Variants in LARGE1 observed in about 807,000 individuals in gnomAD.
The protein encoded by LARGE1 is xylosyl- and glucuronyltransferase LARGE1.
In LARGE1, 43 loss-of-function variants were observed where a neutral mutation model predicts 87.6. That is an observed-to-expected ratio of 0.49 (90% confidence interval 0.38 to 0.63). The LOEUF is 0.63. Among genes scored for constraint, LARGE1 ranks in the 30% least tolerant of loss-of-function variants. LARGE1 has a pLI of 0.00. For missense variants in LARGE1, 802 were observed against 1,000.2 expected (o/e 0.80, Z 2.67); for synonymous variants, 434 against 394.6 (o/e 1.10, Z -1.18).
intron 11 of LARGE1, among the ~76,000 whole-genome samples, chr22:33,222,607 CAGG>C (rs1925512418): frequency 1.3e-5 from 2 of 152,104 alleles, no homozygotes; most frequent in South Asian, 4.1e-4. Context: ...GACTCACACA[CAGG>C]AGGAGAAGAC....
intron 5 of LARGE1, among the ~76,000 whole-genome samples, chr22:33,583,187 C>A (rs1482044700): frequency 1.3e-5 from 2 of 152,140 alleles, no homozygotes; most frequent in African/African-American, 4.8e-5. Context: ...TGATCCATCT[C>A]CCCCACATCC....
rs571422338 is a variant in LARGE1 at position 33,700,416 on chromosome 22, C to T, written c.107-49748G>A. Among the ~76,000 whole-genome samples the T allele has an allele frequency of 5.3e-5, 8 of 152,154 alleles. 1 individual carries two copies. In the South Asian group the frequency reaches 8.3e-4, roughly 16 times the overall value. On this transcript the variant is annotated intron_variant, in intron 2 of 14. Coordinates refer to ENST00000397394, the MANE Select transcript of LARGE1 (RefSeq NM_133642.5). ...AATTAATTGTGTACCAGGCACTATGCGGAAGGCTGAATGCTGCCTCACAAT... is the reference window on the plus strand; with the variant it reads ...AATTAATTGTGTACCAGGCACTATGTGGAAGGCTGAATGCTGCCTCACAAT...
intron 1 of LARGE1, among the ~76,000 whole-genome samples, chr22:33,884,288 G>A (rs182412975): frequency 3.9e-5 from 6 of 152,282 alleles, no homozygotes; most frequent in East Asian, 1.9e-4. Context: ...ACTTTAAAGC[G>A]ATCATGCGCT....
chr22:33,108,878 C>T, the LARGE1 span, among the ~76,000 whole-genome samples: 1 of 152,042 alleles, frequency 6.6e-6, no homozygotes, highest in African/African-American at 2.4e-5. Flanking sequence ...AATGCATGCT[C>T]TGAAGCTAGA....
At chr22:33,332,774 T>C (rs889586037) in intron 10 of LARGE1, among the ~76,000 whole-genome samples, 1 of 152,104 alleles carries the variant, frequency 6.6e-6, no homozygotes, top group Non-Finnish European at 1.5e-5. Flanking sequence ...AGGAGTGCAA[T>C]GTTTACAGAC....
intron 6 of LARGE1, among the ~76,000 whole-genome samples, chr22:33,543,269 G>A (rs973667549): frequency 2.6e-5 from 4 of 151,874 alleles, no homozygotes; most frequent in South Asian, 2.1e-4. Flanking sequence ...TAATAAGAGC[G>A]GTGGCCAATT....
At chr22:33,368,236 GA>G (rs374870274) in intron 9 of LARGE1, among the ~76,000 whole-genome samples, 1,772 of 151,636 alleles carry the variant, frequency 0.012, 21 homozygotes, top group African/African-American at 0.035. Flanking sequence ...TTCAACATTT[GA>G]AAAAAAATAT....
intron 2 of LARGE1, among the ~76,000 whole-genome samples, chr22:33,699,625 C>T (rs1454444511): frequency 6.6e-6 from 1 of 152,166 alleles, no homozygotes; most frequent in African/African-American, 2.4e-5. Flanking sequence ...GAAGCTTTTG[C>T]AATATCTGAA....
chr22:33,146,216 C>T, the LARGE1 span, among the ~76,000 whole-genome samples: 1 of 152,134 alleles, frequency 6.6e-6, no homozygotes, highest in East Asian at 1.9e-4. Flanking sequence ...GGTGGTGGTA[C>T]CTGGAGACAG....
At chr22:33,867,564 G>A (rs761079817) in intron 1 of LARGE1, among the ~76,000 whole-genome samples, 19 of 152,164 alleles carry the variant, frequency 1.2e-4, no homozygotes, top group Non-Finnish European at 2.4e-4. Flanking sequence ...GAGGCAGCAA[G>A]TGGCACTATG....
intron 6 of LARGE1, among the ~76,000 whole-genome samples, chr22:33,525,324 GC>G (rs1204145554): frequency 2.0e-5 from 3 of 152,140 alleles, no homozygotes; most frequent in Non-Finnish European, 4.4e-5. Context: ...CCATAGTACT[GC>G]CTTGATTTGC....
intron 7 of LARGE1, among the ~76,000 whole-genome samples, chr22:33,421,556 G>A (rs903015112): frequency 6.6e-6 from 1 of 152,180 alleles, no homozygotes; most frequent in Non-Finnish European, 1.5e-5. Context: ...CAGGCCCTCC[G>A]TCTGCCTCTT....
At chr22:33,773,341 G>C (rs1417655999) in intron 1 of LARGE1, among the ~76,000 whole-genome samples, 1 of 152,182 alleles carries the variant, frequency 6.6e-6, no homozygotes, top group Admixed American at 6.5e-5. Flanking sequence ...AAAATTTCGA[G>C]TTCACTATGT....
At chr22:33,865,947 C>T (rs903733095) in intron 1 of LARGE1, among the ~76,000 whole-genome samples, 2 of 140,068 alleles carry the variant, frequency 1.4e-5, no homozygotes, top group African/African-American at 5.2e-5. Flanking sequence ...CTCCCAGGCT[C>T]AAGCAATCCT....
At chr22:33,137,689 G>A in the LARGE1 span, among the ~76,000 whole-genome samples, 1 of 152,058 alleles carries the variant, frequency 6.6e-6, no homozygotes, top group African/African-American at 2.4e-5. Context: ...TCCCTGTGCT[G>A]TGTGCAGCCT....
intron 2 of LARGE1, among the ~76,000 whole-genome samples, chr22:33,689,145 GTC>G (rs3072287): frequency 6.1e-5 from 9 of 147,600 alleles, no homozygotes; most frequent in South Asian, 2.2e-4. Context: ...CAAATTTACT[GTC>G]TCTCTCTCTC....
chr22:33,782,642 G>A (rs1428372962), intron 1 of LARGE1, among the ~76,000 whole-genome samples: 1 of 152,020 alleles, frequency 6.6e-6, no homozygotes, highest in African/African-American at 2.4e-5. Flanking sequence ...CGAGGCGGGC[G>A]CATCACGAGG....
intron 9 of LARGE1, among the ~76,000 whole-genome samples, chr22:33,340,541 C>T (rs1177266130): frequency 6.6e-6 from 1 of 151,922 alleles, no homozygotes; most frequent in African/African-American, 2.4e-5. Context: ...CCTTGGCAGA[C>T]ACCAAGGCAA....
intron 3 of LARGE1, among the ~76,000 whole-genome samples, chr22:33,634,378 CT>C (rs2149108810): frequency 6.6e-6 from 1 of 152,270 alleles, no homozygotes; most frequent in South Asian, 2.1e-4. Flanking sequence ...AGGGACCATA[CT>C]TTGAGAACCG....
Sources: allele counts gnomAD v4.1 joint callset (sites outside exome capture counted in the v4.1 genomes callset), GRCh38; gene constraint gnomAD v4.1.1; transcripts MANE v1.5; gene names NCBI Gene and HGNC (gene_info 2026-07-23, HGNC 2026-07-21).